The following NAALADL2 variants were observed in gnomAD, a reference collection of about 807,000 sequenced individuals.
The protein encoded by NAALADL2 is N-acetylated alpha-linked acidic dipeptidase like 2.
NAALADL2 carries 76 observed loss-of-function variants against 87.2 expected under a neutral mutation model. That is an observed-to-expected ratio of 0.87 (90% CI 0.72 to 1.05). The LOEUF (loss-of-function observed/expected upper bound fraction) is 1.05, where lower values mean the gene tolerates loss of function less well. Among genes scored for constraint, NAALADL2 ranks in the 50% least tolerant of loss-of-function variants. The pLI is 0.00. For synonymous variants in NAALADL2, 354 were observed against 331.0 expected (o/e 1.07, Z -0.75); for missense variants, 1,089 against 945.8 (o/e 1.15, Z -1.99).
intron 2 of NAALADL2, among the ~76,000 whole-genome samples, chr3:174,557,187 C>A (rs1487958117): frequency 6.6e-6 from 1 of 152,022 alleles, no homozygotes; most frequent in Admixed American, 6.6e-5. Flanking sequence ...TCTGTTTCGG[C>A]CTTTTTACTC....
chr3:174,846,403 T>C (rs1419588217), intron 3 of NAALADL2, among the ~76,000 whole-genome samples: 1 of 152,238 alleles, frequency 6.6e-6, no homozygotes, highest in African/African-American at 2.4e-5. Context: ...CAAATAAGTC[T>C]AGTTAGCCTC....
At chr3:175,532,049 G>A (rs1050107115) in intron 9 of NAALADL2, among the ~76,000 whole-genome samples, 1 of 152,194 alleles carries the variant, frequency 6.6e-6, no homozygotes, top group African/African-American at 2.4e-5. Context: ...CTACCAGTCA[G>A]GGAGCAAATG....
intron 1 of NAALADL2, among the ~76,000 whole-genome samples, chr3:175,092,278 A>G (rs560336327): frequency 3.1e-4 from 47 of 152,050 alleles, no homozygotes; most frequent in African/African-American, 1.0e-3. Context: ...GGCTTAAATT[A>G]CATAGCAAAG....
At chr3:175,524,780 GAGAT>G (rs1733152532) in intron 9 of NAALADL2, among the ~76,000 whole-genome samples, 1 of 152,084 alleles carries the variant, frequency 6.6e-6, no homozygotes, top group African/African-American at 2.4e-5. Flanking sequence ...GTTAACAAGA[GAGAT>G]AGCTTGTTAA....
intron 2 of NAALADL2, among the ~76,000 whole-genome samples, chr3:174,712,886 T>C (rs1192042840): frequency 3.3e-5 from 5 of 152,300 alleles, no homozygotes; most frequent in Admixed American, 1.3e-4. Context: ...ATGTGCCATG[T>C]TGGTGTGCTG....
intron 9 of NAALADL2, among the ~76,000 whole-genome samples, chr3:175,537,292 A>G (rs891562954): frequency 5.3e-5 from 8 of 152,218 alleles, no homozygotes; most frequent in African/African-American, 1.7e-4. Flanking sequence ...TTTTAGCCAT[A>G]CAGAAGAGAT....
intron 1 of NAALADL2, among the ~76,000 whole-genome samples, chr3:174,463,090 T>C (rs1251380713): frequency 6.6e-6 from 1 of 152,184 alleles, no homozygotes. Flanking sequence ...AAACAAACCA[T>C]TGTACAGAGT....
intron 9 of NAALADL2, among the ~76,000 whole-genome samples, chr3:175,503,660 G>T (rs768697704): frequency 6.6e-6 from 1 of 151,972 alleles, no homozygotes; most frequent in Non-Finnish European, 1.5e-5. Flanking sequence ...TGTGGTTTTG[G>T]TTTGTATTTC....
chr3:175,576,902 G>T (rs1259536159), intron 10 of NAALADL2, among the ~76,000 whole-genome samples: 1 of 152,086 alleles, frequency 6.6e-6, no homozygotes, highest in Non-Finnish European at 1.5e-5. Flanking sequence ...CAAAATAATG[G>T]CTGGAAAGTA....
chr3:174,838,859 A>G (rs543285632), intron 3 of NAALADL2, among the ~76,000 whole-genome samples: 6 of 152,306 alleles, frequency 3.9e-5, no homozygotes, highest in East Asian at 1.9e-4. Context: ...GACACAAGCA[A>G]ATGGAAACAC....
chr3:175,473,393 TA>T (rs1003293049), intron 9 of NAALADL2, among the ~76,000 whole-genome samples: 18 of 78,524 alleles, frequency 2.3e-4, no homozygotes, highest in African/African-American at 5.6e-4. Context: ...GTATAGAAAA[TA>T]TTTTTTTTCT....
At chr3:174,971,127 G>A (rs1265594826) in intron 1 of NAALADL2, among the ~76,000 whole-genome samples, 1 of 152,070 alleles carries the variant, frequency 6.6e-6, no homozygotes, top group African/African-American at 2.4e-5. Context: ...TCACTATCAC[G>A]AGAATAGCAG....
chr3:175,054,854 A>T, intron 1 of NAALADL2, among the ~76,000 whole-genome samples: 1 of 151,980 alleles, frequency 6.6e-6, no homozygotes, highest in East Asian at 1.9e-4. Context: ...TATAACTTGT[A>T]CTCCCCATTG....
intron 8 of NAALADL2, among the ~76,000 whole-genome samples, chr3:175,469,714 C>G (rs1445000631): frequency 2.0e-5 from 3 of 151,982 alleles, no homozygotes; most frequent in East Asian, 3.9e-4. Context: ...TTCAAATTCT[C>G]TTTACCATAG....
intron 10 of NAALADL2, among the ~76,000 whole-genome samples, chr3:175,606,309 C>T (rs1385143276): frequency 6.6e-6 from 1 of 151,924 alleles, no homozygotes; most frequent in Non-Finnish European, 1.5e-5. Context: ...AAGAGCAAAT[C>T]CCAATCCTGA....
upstream of NAALADL2, among the ~76,000 whole-genome samples, chr3:174,858,575 C>T (rs1285187181): frequency 6.6e-6 from 1 of 151,852 alleles, no homozygotes; most frequent in Non-Finnish European, 1.5e-5. Flanking sequence ...TTTCAGGTCT[C>T]TCAGTTAATA....
rs986812779 is a variant in NAALADL2, at chr3:175,367,136, T to C, written c.1090+42811T>C. On this transcript the variant is annotated intron_variant, in intron 5 of 13. Transcript: ENST00000454872. ...TAGGGAATCCTTTCCCCATTGCTTG[T>C]TTTTCTCAGGTTTGTCAAAGATCAG... Among the ~76,000 whole-genome samples the C allele has an allele frequency of 3.4e-3, 499 of 145,960 alleles. 2 individuals carry two copies. The highest frequency in any genetic ancestry group is 5.4e-3 in the Non-Finnish European group (368 of 67,928).
chr3:174,551,256 A>G (rs978459232), intron 2 of NAALADL2: 1 of 152,094 alleles, frequency 6.6e-6, no homozygotes. Flanking sequence ...TTGGTGCTTT[A>G]TTTGATACTA....
intron 13 of NAALADL2, among the ~76,000 whole-genome samples, chr3:175,781,477 T>C (rs1751058265): frequency 1.3e-5 from 2 of 152,122 alleles, no homozygotes; most frequent in South Asian, 4.1e-4. Context: ...CAATTATAAC[T>C]AAGTACAGTA....
Sources: gnomAD v4.1 joint callset for allele counts (sites outside exome capture counted in the v4.1 genomes callset) on GRCh38, gnomAD v4.1.1 for gene constraint, MANE v1.5 for transcripts, NCBI Gene and HGNC (gene_info 2026-07-23, HGNC 2026-07-21) for gene names.